UBE2E2: variants seen among roughly 807,000 people sequenced by gnomAD.
UBE2E2 encodes ubiquitin conjugating enzyme E2 E2, also known as ubiquitin-conjugating enzyme E2 E2.
In UBE2E2, 6 loss-of-function variants were observed where a neutral mutation model predicts 24.7. The ratio of observed to expected loss-of-function variants is 0.24; its 90% CI spans 0.13 to 0.48. The LOEUF (loss-of-function observed/expected upper bound fraction) is 0.48. Among genes scored for constraint, UBE2E2 ranks in the 20% least tolerant of loss-of-function variants. UBE2E2 has a pLI of 0.99. For synonymous variants in UBE2E2, 104 were observed against 83.6 expected (o/e 1.24, Z -1.33); for missense variants, 169 against 245.0 (o/e 0.69, Z 2.07).
chr3:23,246,515 A>G lies in UBE2E2; in HGVS notation c.227+29203A>G, dbSNP rs564308241. On this transcript the variant is annotated intron_variant, in intron 3 of 5. Transcript: ENST00000396703. ...CTCCCAAAGTTCTGGGATTACAGGC[A>G]TGAGCCACTGTGCCCGGCCATGCCT... 8.0e-5 allele frequency among the ~76,000 whole-genome samples: 12 copies of G among 149,278 alleles called. No individual in the cohort carries two copies. In the East Asian group the frequency reaches 2.4e-3, roughly 30 times the overall value.
chr3:23,477,905 G>A (rs568260753), intron 3 of UBE2E2, among the ~76,000 whole-genome samples: 9 of 152,134 alleles, frequency 5.9e-5, no homozygotes, highest in East Asian at 1.9e-4. Context: ...TTTATAAGGC[G>A]CTTTTCCCCC....
chr3:23,422,262 G>A (rs534272842), intron 3 of UBE2E2, among the ~76,000 whole-genome samples: 3 of 152,294 alleles, frequency 2.0e-5, no homozygotes, highest in African/African-American at 7.2e-5. Context: ...CGGGGATAGA[G>A]AGTAGGAGGT....
chr3:23,559,931 C>T (rs1005195485), intron 5 of UBE2E2, among the ~76,000 whole-genome samples: 2 of 152,008 alleles, frequency 1.3e-5, no homozygotes, highest in African/African-American at 4.8e-5. Flanking sequence ...AAAAATATAC[C>T]TCATGCACAT....
intron 3 of UBE2E2, among the ~76,000 whole-genome samples, chr3:23,304,286 T>C (rs1203574257): frequency 6.6e-6 from 1 of 152,204 alleles, no homozygotes; most frequent in African/African-American, 2.4e-5. Context: ...TAAGTTTTGA[T>C]GTCAAAAACC....
At chr3:23,329,040 C>T (rs1032168309) in intron 3 of UBE2E2, among the ~76,000 whole-genome samples, 4 of 152,156 alleles carry the variant, frequency 2.6e-5, no homozygotes, top group African/African-American at 9.7e-5. Context: ...TACGCCCTTG[C>T]CCCCTTCTCC....
chr3:23,571,394 A>T (rs1268629351), intron 5 of UBE2E2, among the ~76,000 whole-genome samples: 2 of 146,312 alleles, frequency 1.4e-5, no homozygotes, highest in African/African-American at 5.1e-5. Context: ...GGCTCAAGTG[A>T]TTCTCCTGCC....
At chr3:23,458,428 T>TGGTGGTGGTGGTGGTGGTGGTGGTGG (rs76760747) in intron 3 of UBE2E2, among the ~76,000 whole-genome samples, 1 of 147,990 alleles carries the variant, frequency 6.8e-6, no homozygotes, top group African/African-American at 2.6e-5. Flanking sequence ...GTGGTGGTGG[T>TGGTGGTGGTGGTGGTGGTGGTGGTGG]TGTTGTTGTT....
intron 3 of UBE2E2, among the ~76,000 whole-genome samples, chr3:23,380,522 G>C (rs1313021272): frequency 6.6e-6 from 1 of 152,190 alleles, no homozygotes. Flanking sequence ...CCGGTGCCCA[G>C]CCTCACTTTC....
intron 5 of UBE2E2, among the ~76,000 whole-genome samples, chr3:23,588,895 G>A (rs1183738449): frequency 6.6e-6 from 1 of 152,166 alleles, no homozygotes; most frequent in African/African-American, 2.4e-5. Context: ...AGCTATGTAG[G>A]TTGGATGTTA....
chr3:23,204,948 C>G (rs954373122), intron 1 of UBE2E2, among the ~76,000 whole-genome samples: 1 of 152,134 alleles, frequency 6.6e-6, no homozygotes, highest in Non-Finnish European at 1.5e-5. Context: ...GGGTAGTAGG[C>G]TGGATTTATG....
At chr3:23,482,142 A>G (rs1284340012) in intron 3 of UBE2E2, among the ~76,000 whole-genome samples, 1 of 152,238 alleles carries the variant, frequency 6.6e-6, no homozygotes, top group Non-Finnish European at 1.5e-5. Flanking sequence ...AAGTGCTGTC[A>G]TAACTTCACT....
rs1696539214 is a variant in UBE2E2, at chr3:23,583,667, C to A, written c.509-6067C>A. Among the ~76,000 whole-genome samples, 1 of 151,970 alleles carries A rather than the reference C, an allele frequency of 6.6e-6. No homozygotes were observed. The highest frequency in any genetic ancestry group is 2.4e-5 in the African/African-American group (1 of 41,400). ...TCCCTGGTTAGCTGTATTTTATTTT[C>A]TTTGTGGCTATTGTGAATGGGATTG... On this transcript the variant is annotated intron_variant, in intron 5 of 5. Transcript: ENST00000396703. The surrounding 1 kb of genome is among the most constrained non-coding windows in gnomAD (Gnocchi z 4.1).
chr3:23,277,715 T>C (rs544808490), intron 3 of UBE2E2, among the ~76,000 whole-genome samples: 9 of 152,214 alleles, frequency 5.9e-5, no homozygotes, highest in African/African-American at 2.2e-4. Context: ...ACTAAATGTT[T>C]AGTGAATGCT....
intron 3 of UBE2E2, among the ~76,000 whole-genome samples, chr3:23,245,838 G>A: frequency 6.6e-6 from 1 of 152,084 alleles, no homozygotes; most frequent in African/African-American, 2.4e-5. Context: ...ATGCCTCTTT[G>A]AGTTCATAAA....
At chr3:23,205,874 A>G (rs1170190232) in intron 1 of UBE2E2, among the ~76,000 whole-genome samples, 1 of 152,182 alleles carries the variant, frequency 6.6e-6, no homozygotes, top group Admixed American at 6.5e-5. Flanking sequence ...CACATCATTG[A>G]GTAATCTTTT....
chr3:23,220,947 A>G (rs899247658), intron 3 of UBE2E2, among the ~76,000 whole-genome samples: 4 of 152,218 alleles, frequency 2.6e-5, no homozygotes, highest in Non-Finnish European at 5.9e-5. Flanking sequence ...AAATCTCCAG[A>G]TAAAAATTAA....
At chr3:23,206,912 C>T (rs1049612823) in intron 1 of UBE2E2, among the ~76,000 whole-genome samples, 1 of 152,038 alleles carries the variant, frequency 6.6e-6, no homozygotes, top group African/African-American at 2.4e-5. Flanking sequence ...AGTTTTATTT[C>T]AAGTTGTAAT....
At chr3:23,205,108 A>T (rs1194828615) in intron 1 of UBE2E2, among the ~76,000 whole-genome samples, 1 of 152,190 alleles carries the variant, frequency 6.6e-6, no homozygotes, top group African/African-American at 2.4e-5. Flanking sequence ...AAGCTTAGAC[A>T]GTTTGTGTTG....
At chr3:23,229,139 CTG>C (rs1696908415) in intron 3 of UBE2E2, among the ~76,000 whole-genome samples, 1 of 152,166 alleles carries the variant, frequency 6.6e-6, no homozygotes, top group African/African-American at 2.4e-5. Context: ...TTCAGTATAT[CTG>C]TGAATTAGTA....
Sources: gnomAD v4.1 joint callset for allele counts (sites outside exome capture counted in the v4.1 genomes callset) on GRCh38, gnomAD v4.1.1 for gene constraint, Gnocchi (gnomAD v3.1) non-coding constraint, MANE v1.5 for transcripts, NCBI Gene and HGNC (gene_info 2026-07-23, HGNC 2026-07-21) for gene names.